Variants in ZDHHC2 observed in about 807,000 individuals in gnomAD.
ZDHHC2 encodes the protein zDHHC palmitoyltransferase 2, also known as palmitoyltransferase ZDHHC2.
ZDHHC2 carries 51 observed loss-of-function variants against 55.6 expected under a neutral mutation model. The ratio of observed to expected loss-of-function variants is 0.92; its 90% confidence interval spans 0.73 to 1.16. The LOEUF is 1.16. Among genes scored for constraint, ZDHHC2 ranks in the 50% most tolerant of loss-of-function variants. The probability of loss-of-function intolerance (pLI) is 0.00; values close to 1 mark genes in which losing one functional copy is unlikely to be tolerated. For missense variants in ZDHHC2, 491 were observed against 442.4 expected (o/e 1.11, Z -0.99); for synonymous variants, 199 against 152.9 (o/e 1.30, Z -2.22).
In ZDHHC2 at chr8:17,179,698, G is replaced by A. The variant is rs577177508; in HGVS notation, c.131-5091G>A. ...AGTGCTGGCATTTCATGCGTGGGCC[G>A]CCCAGCCCAAAATGTGATTCCTGAA... On this transcript the variant is annotated intron_variant, in intron 1 of 12. Transcript: ENST00000262096. Among the ~76,000 whole-genome samples, 386 of 152,182 alleles carry A rather than the reference G, an allele frequency of 2.5e-3. 1 individual carries two copies. The highest frequency in any genetic ancestry group is 4.7e-3 in the Non-Finnish European group (318 of 68,030).
At chr8:17,158,036 A>T (rs1804150122) in intron 1 of ZDHHC2, among the ~76,000 whole-genome samples, 1 of 152,202 alleles carries the variant, frequency 6.6e-6, no homozygotes, top group Non-Finnish European at 1.5e-5. Context: ...TTTATTTCAT[A>T]TAGTTTTAAA....
Position 17,156,597 on chromosome 8 carries a change from A to T in ZDHHC2, c.-127A>T. On this transcript the variant is annotated 5_prime_UTR_variant, in exon 1 of 13. Coordinates refer to ENST00000262096, the MANE Select transcript of ZDHHC2 (RefSeq NM_016353.5). ...GGGGAGTTAGCGCCACGGCGGCGGC[A>T]GTGGCCGCAGCGCACCCCGCCGCCG... 3 of 631,060 alleles carry T rather than the reference A, an allele frequency of 4.8e-6. No homozygotes were observed. Among genetic ancestry groups the T allele is most frequent in the Non-Finnish European group, 6.0e-6 (3 of 500,546 alleles). 39.1% of individuals were successfully genotyped at this position (631,060 alleles called of 1,614,324 possible).
At chr8:17,183,770 A>G (rs566827441) in intron 1 of ZDHHC2, among the ~76,000 whole-genome samples, 2 of 152,214 alleles carry the variant, frequency 1.3e-5, no homozygotes, top group South Asian at 2.1e-4. Context: ...GGAAGGATGA[A>G]TTTTCTTATT....
At chr8:17,192,047 A>G (rs1209077104) in intron 3 of ZDHHC2, among the ~76,000 whole-genome samples, 1 of 152,166 alleles carries the variant, frequency 6.6e-6, no homozygotes, top group Non-Finnish European at 1.5e-5. Context: ...GCAGTGCTGC[A>G]ATCACAGCTC....
intron 1 of ZDHHC2, among the ~76,000 whole-genome samples, chr8:17,170,632 C>A (rs774580184): frequency 1.1e-4 from 17 of 152,124 alleles, no homozygotes; most frequent in Non-Finnish European, 2.5e-4. Flanking sequence ...AGAAAAGATG[C>A]ATTGGTTTTT....
At chr8:17,205,158 C>T (rs1005679239) in intron 6 of ZDHHC2, among the ~76,000 whole-genome samples, 2 of 152,208 alleles carry the variant, frequency 1.3e-5, no homozygotes, top group African/African-American at 4.8e-5. Flanking sequence ...TACTTCTTTT[C>T]TTAAAGCTCC....
At chr8:17,193,247 C>A (rs61195820) in intron 3 of ZDHHC2, among the ~76,000 whole-genome samples, 20,974 of 152,172 alleles carry the variant, frequency 0.14, 2,019 homozygotes, top group African/African-American at 0.26. Flanking sequence ...TTAGGAGATA[C>A]CCCAATCCCA....
chr8:17,196,243 T>G (rs1166805338), intron 4 of ZDHHC2, among the ~76,000 whole-genome samples: 3 of 151,998 alleles, frequency 2.0e-5, no homozygotes, highest in Admixed American at 6.5e-5. Flanking sequence ...GCCCAGAGCT[T>G]CTGTGACTTC....
At chr8:17,183,956 C>T (rs1805567797) in intron 1 of ZDHHC2, among the ~76,000 whole-genome samples, 1 of 152,124 alleles carries the variant, frequency 6.6e-6, no homozygotes. Flanking sequence ...GAAGGCAGCG[C>T]ATTTCATTCC....
In ZDHHC2 at chr8:17,177,412, G is replaced by T. The variant is rs117674172; in HGVS notation, c.131-7377G>T. On this transcript the variant is annotated intron_variant, in intron 1 of 12. Transcript: ENST00000262096. ...GGGGACAGACTTTGTTGGGACAGGA[G>T]ATGTTAAAGCATATTGTAAAGATAT... Among the ~76,000 whole-genome samples, 7 of 152,348 alleles carry T rather than the reference G, an allele frequency of 4.6e-5. No homozygotes were observed. The East Asian group carries it at 1.4e-3, about 29-fold the overall frequency.
intron 1 of ZDHHC2, among the ~76,000 whole-genome samples, chr8:17,172,033 A>G (rs992597215): frequency 1.3e-5 from 2 of 151,888 alleles, no homozygotes; most frequent in African/African-American, 2.4e-5. Context: ...GTGGCGAACT[A>G]TATCCGCAGT....
chr8:17,205,846 T>C (rs1222200518), intron 7 of ZDHHC2, 71 bp downstream of exon 7: 7 of 1,428,792 alleles, frequency 4.9e-6, no homozygotes, highest in Non-Finnish European at 6.6e-6. Flanking sequence ...CAGAACAGAA[T>C]TATTTCCGAC....
At chr8:17,197,751 C>A in intron 5 of ZDHHC2, 100 bp downstream of exon 5, 1 of 1,289,660 alleles carries the variant, frequency 7.8e-7, no homozygotes, top group Non-Finnish European at 1.1e-6. Flanking sequence ...TCTCCATATT[C>A]TCGCTTCTCA....
chr8:17,207,034 C>T (rs750760830), intron 7 of ZDHHC2, among the ~76,000 whole-genome samples: 8 of 152,184 alleles, frequency 5.3e-5, no homozygotes, highest in Non-Finnish European at 1.2e-4. Context: ...TACCTCACTG[C>T]TCCTCCTTCC....
intron 6 of ZDHHC2, among the ~76,000 whole-genome samples, 194 bp from the exon 7 acceptor site, chr8:17,205,461 G>A (rs1163959988): frequency 6.6e-6 from 1 of 152,118 alleles, no homozygotes; most frequent in East Asian, 1.9e-4. Context: ...TAAATATCAT[G>A]TTTTAAAAAT....
intron 12 of ZDHHC2, among the ~76,000 whole-genome samples, chr8:17,219,515 C>G (rs1049274999): frequency 6.6e-6 from 1 of 151,958 alleles, no homozygotes; most frequent in East Asian, 1.9e-4. Flanking sequence ...TCAGCACTTG[C>G]GGAGGCCAAG....
intron 1 of ZDHHC2, among the ~76,000 whole-genome samples, chr8:17,172,986 T>A (rs1804938953): frequency 6.6e-6 from 1 of 152,148 alleles, no homozygotes; most frequent in Non-Finnish European, 1.5e-5. Flanking sequence ...GTTTGTAAAA[T>A]TATGTTTGCA....
intron 3 of ZDHHC2, 142 bp from the exon 4 acceptor site, chr8:17,195,362 C>G: frequency 1.1e-6 from 1 of 938,544 alleles, no homozygotes; most frequent in Non-Finnish European, 1.5e-6. Context: ...CAGACTTGCC[C>G]ACGTTTCAAA....
chr8:17,199,309 C>T (rs1372016568), intron 6 of ZDHHC2, among the ~76,000 whole-genome samples: 1 of 152,130 alleles, frequency 6.6e-6, no homozygotes, highest in African/African-American at 2.4e-5. Context: ...CTAGTCAACC[C>T]ATACAAGAAT....
Sources: gnomAD v4.1 joint callset for allele counts (sites outside exome capture counted in the v4.1 genomes callset) on GRCh38, gnomAD v4.1.1 for gene constraint, MANE v1.5 for transcripts, NCBI Gene and HGNC (gene_info 2026-07-23, HGNC 2026-07-21) for gene names.